Variants in TAFA2 observed in about 807,000 individuals in gnomAD.
TAFA2 encodes the protein chemokine-like protein TAFA-2.
TAFA2 carries 7 observed loss-of-function variants against 18.8 expected under a neutral mutation model. That is an observed-to-expected ratio of 0.37 (90% confidence interval 0.21 to 0.70). The LOEUF is 0.70. Ranked by LOEUF, TAFA2 falls within the 30% of genes least tolerant of loss-of-function variation. The pLI, the probability that TAFA2 is intolerant of heterozygous loss-of-function variation, is 0.53. For synonymous variants in TAFA2, 60 were observed against 54.2 expected (o/e 1.11, Z -0.47); for missense variants, 122 against 158.1 (o/e 0.77, Z 1.23).
chr12:62,087,802 A>G (rs1308980093), intron 1 of TAFA2, among the ~76,000 whole-genome samples: 2 of 152,162 alleles, frequency 1.3e-5, no homozygotes, highest in Non-Finnish European at 2.9e-5. Context: ...GAGTTGAAGC[A>G]GATCCATTAG....
chr12:61,795,815 G>A (rs1051245351), intron 2 of TAFA2, among the ~76,000 whole-genome samples: 16 of 151,306 alleles, frequency 1.1e-4, no homozygotes, highest in African/African-American at 3.9e-4. Context: ...ATTTTTTATA[G>A]AGCTAGAATA....
chr12:62,016,789 C>A lies in TAFA2; in HGVS notation c.-1-149363G>T, dbSNP rs369659045. 3.1e-3 allele frequency among the ~76,000 whole-genome samples: 381 copies of A among 122,642 alleles called. 1 individual carries two copies. Among genetic ancestry groups the A allele is most frequent in the African/African-American group, 0.01 (342 of 34,162 alleles). The allele number at this position is 122,642 out of a possible 152,430, so 80.5% of individuals were successfully genotyped here. A position where few individuals can be genotyped will look rare whatever the true frequency, so the allele number is the denominator to read the frequency against. Reference sequence around the variant, plus strand: ...ATTTATTATTGTGTGTACAGGGTACCAGTAAGTACCTGGTACCCTGATGAG... The same window carrying A: ...ATTTATTATTGTGTGTACAGGGTACAAGTAAGTACCTGGTACCCTGATGAG... On this transcript the variant is annotated intron_variant, in intron 1 of 4. Transcript: ENST00000416284.
intron 2 of TAFA2, among the ~76,000 whole-genome samples, chr12:61,764,319 T>G (rs111317913): frequency 1.4e-3 from 218 of 152,164 alleles, no homozygotes; most frequent in Middle Eastern, 3.4e-3. Context: ...TATACAAAAC[T>G]GTAAAGAAAT....
At chr12:61,792,709 G>A in intron 2 of TAFA2, among the ~76,000 whole-genome samples, 1 of 151,022 alleles carries the variant, frequency 6.6e-6, no homozygotes, top group Non-Finnish European at 1.5e-5. Context: ...ATACTAGCAG[G>A]GACAAAGTGG....
intron 1 of TAFA2, among the ~76,000 whole-genome samples, chr12:61,941,611 C>T (rs1005826087): frequency 3.3e-5 from 5 of 152,252 alleles, no homozygotes; most frequent in Middle Eastern, 3.4e-3. Context: ...GTGCGTGAGC[C>T]GAAGCAGGGC....
intron 1 of TAFA2, among the ~76,000 whole-genome samples, chr12:61,905,906 T>G (rs1876327994): frequency 6.6e-6 from 1 of 152,148 alleles, no homozygotes; most frequent in South Asian, 2.1e-4. Context: ...CTCTCTGCTT[T>G]TCAATACTTT....
intron 2 of TAFA2, among the ~76,000 whole-genome samples, chr12:61,805,631 C>G (rs189197345): frequency 4.5e-4 from 68 of 152,152 alleles, no homozygotes; most frequent in African/African-American, 1.6e-3. Context: ...GTATGTTCCT[C>G]AAGATGCCCC....
chr12:61,781,057 G>C (rs999799945), intron 2 of TAFA2, among the ~76,000 whole-genome samples: 2 of 151,708 alleles, frequency 1.3e-5, no homozygotes, highest in African/African-American at 4.8e-5. Flanking sequence ...GGGAAATTAA[G>C]TTTTTCTAAA....
chr12:61,975,353 T>A (rs1261807589), intron 1 of TAFA2, among the ~76,000 whole-genome samples: 2 of 151,786 alleles, frequency 1.3e-5, no homozygotes, highest in Non-Finnish European at 2.9e-5. Context: ...CTACTCTCTG[T>A]ATGTATTCTA....
chr12:61,747,045 A>G (rs374636937), intron 4 of TAFA2, among the ~76,000 whole-genome samples: 1 of 152,142 alleles, frequency 6.6e-6, no homozygotes, highest in Non-Finnish European at 1.5e-5. Flanking sequence ...ACCCCATCAA[A>G]AAGTGGGCAA....
At chr12:61,762,248 A>T (rs1197350507) in intron 2 of TAFA2, among the ~76,000 whole-genome samples, 2 of 152,084 alleles carry the variant, frequency 1.3e-5, no homozygotes, top group African/African-American at 4.8e-5. Flanking sequence ...TGAAGTTCTA[A>T]ACACATGCAG....
At chr12:62,050,287 A>T (rs774493264) in intron 1 of TAFA2, among the ~76,000 whole-genome samples, 8 of 151,894 alleles carry the variant, frequency 5.3e-5, no homozygotes, top group Non-Finnish European at 7.4e-5. Context: ...AAATTTTATC[A>T]CAGCTGGGCT....
intron 1 of TAFA2, among the ~76,000 whole-genome samples, chr12:62,221,192 A>AGGAAAGAGGGAAGGAAGGAAGGGG (rs2062759551): frequency 1.0e-5 from 1 of 98,604 alleles, no homozygotes; most frequent in African/African-American, 3.5e-5. Flanking sequence ...GGAGGGGAGA[A>AGGAAAGAGGGAAGGAAGGAAGGGG]GGAAGGAGGG....
intron 1 of TAFA2, among the ~76,000 whole-genome samples, chr12:62,243,571 A>G (rs1026524323): frequency 1.3e-5 from 2 of 152,222 alleles, no homozygotes; most frequent in Non-Finnish European, 2.9e-5. Context: ...GCAAAAACTA[A>G]CTATATGCCA....
At chr12:61,753,973 A>T (rs1592366843) in intron 3 of TAFA2, among the ~76,000 whole-genome samples, 1 of 152,102 alleles carries the variant, frequency 6.6e-6, no homozygotes, top group Admixed American at 6.6e-5. Context: ...AACACTTAAC[A>T]TGAGATCTAT....
At chr12:61,758,618 A>G (rs1256540750) in intron 2 of TAFA2, among the ~76,000 whole-genome samples, 1 of 152,042 alleles carries the variant, frequency 6.6e-6, no homozygotes, top group Non-Finnish European at 1.5e-5. Context: ...AGAAGAAAAA[A>G]AGAGGGTCTG....
chr12:61,952,083 T>G (rs1185131883), intron 1 of TAFA2, among the ~76,000 whole-genome samples: 2 of 152,038 alleles, frequency 1.3e-5, no homozygotes, highest in Admixed American at 6.6e-5. Flanking sequence ...CTGCTACATT[T>G]CCCCAGCCTT....
intron 1 of TAFA2, among the ~76,000 whole-genome samples, chr12:62,217,357 A>T (rs549923037): frequency 1.3e-5 from 2 of 152,278 alleles, no homozygotes; most frequent in Admixed American, 6.5e-5. Context: ...GGATCAAACC[A>T]CTCCATCTGA....
intron 1 of TAFA2, among the ~76,000 whole-genome samples, chr12:61,871,953 G>A (rs1464064523): frequency 1.3e-5 from 2 of 152,228 alleles, no homozygotes; most frequent in African/African-American, 4.8e-5. Flanking sequence ...TTAGCCAGGC[G>A]TGGTGGCGGG....
Sources: gnomAD v4.1 joint callset for allele counts (sites outside exome capture counted in the v4.1 genomes callset) on GRCh38, gnomAD v4.1.1 for gene constraint, MANE v1.5 for transcripts, NCBI Gene and HGNC (gene_info 2026-07-23, HGNC 2026-07-21) for gene names.